ELOVL5: variants seen among roughly 807,000 people sequenced by gnomAD.
The protein encoded by ELOVL5 is very long chain fatty acid elongase 5.
Under a neutral mutation model 38.6 loss-of-function variants are expected in ELOVL5, and 8 were observed. The observed-to-expected ratio is 0.21, with a 90% CI of 0.12 to 0.37. The LOEUF is 0.37. Ranked by LOEUF, ELOVL5 falls within the 10% of genes least tolerant of loss-of-function variation. The pLI, the probability that ELOVL5 is intolerant of heterozygous loss-of-function variation, is 1.00. For missense variants in ELOVL5, 280 were observed against 367.8 expected, an observed-to-expected ratio of 0.76 and a Z score of 1.95; for synonymous variants, 127 against 133.7, an observed-to-expected ratio of 0.95 and a Z score of 0.34.
At chr6:53,270,838 C>T (rs1765892599) in intron 6 of ELOVL5, 111 bp from the exon 7 acceptor site, 2 of 1,248,162 alleles carry the variant, frequency 1.6e-6, no homozygotes, top group African/African-American at 3.0e-5. Context: ...ACACTTACTA[C>T]CCTTGCTGCA....
At chr6:53,296,169 C>T (rs1232120957) in intron 1 of ELOVL5, among the ~76,000 whole-genome samples, 1 of 151,860 alleles carries the variant, frequency 6.6e-6, no homozygotes, top group Non-Finnish European at 1.5e-5. Flanking sequence ...TATTATTTTA[C>T]AGTACTTCAT....
At chr6:53,346,556 T>G (rs991155870) in intron 1 of ELOVL5, among the ~76,000 whole-genome samples, 1 of 152,060 alleles carries the variant, frequency 6.6e-6, no homozygotes, top group Non-Finnish European at 1.5e-5. Flanking sequence ...ATGAGAGGAT[T>G]AGCCTTTTGA....
chr6:53,324,691 A>AAAAAAAC lies in ELOVL5; in HGVS notation c.-9+24125_-9+24126insGTTTTTT, dbSNP rs70980840. 1.7e-4 allele frequency among the ~76,000 whole-genome samples: 20 copies of AAAAAAAC among 118,048 alleles called. 2 individuals carry two copies. The highest frequency in any genetic ancestry group is 2.2e-4 in the African/African-American group (6 of 27,310). The allele number at this position is 118,048 out of a possible 152,430, so 77.4% of individuals were successfully genotyped here. On this transcript the variant is annotated intron_variant, in intron 1 of 7. Transcript: ENST00000304434. ...TCCTGTCAAAAAAAAAAAAAAAAAA[A>AAAAAAAC]GGAAAAGAAATAGAATCAGGAAGGA...
intron 1 of ELOVL5, among the ~76,000 whole-genome samples, chr6:53,301,853 T>C (rs1462817969): frequency 6.6e-6 from 1 of 152,194 alleles, no homozygotes; most frequent in African/African-American, 2.4e-5. Flanking sequence ...ATTATAATTG[T>C]GTCTCATTTT....
intron 1 of ELOVL5, among the ~76,000 whole-genome samples, chr6:53,304,267 T>C (rs1260347529): frequency 6.6e-6 from 1 of 152,192 alleles, no homozygotes; most frequent in Non-Finnish European, 1.5e-5. Flanking sequence ...TAGTTACAGA[T>C]GGCATTTCCT....
intron 3 of ELOVL5, chr6:53,290,644 T>C (rs747828299): frequency 6.6e-6 from 1 of 152,266 alleles, no homozygotes; most frequent in Non-Finnish European, 1.5e-5. Context: ...AGAATATCTG[T>C]ACCTTGGCTT....
chr6:53,346,202 G>A (rs1030438982), intron 1 of ELOVL5, among the ~76,000 whole-genome samples: 1 of 152,092 alleles, frequency 6.6e-6, no homozygotes, highest in Non-Finnish European at 1.5e-5. Context: ...GAGGATGATG[G>A]TTTCCAGCTT....
chr6:53,347,512 A>G, intron 1 of ELOVL5, among the ~76,000 whole-genome samples: 1 of 152,232 alleles, frequency 6.6e-6, no homozygotes, highest in East Asian at 1.9e-4. Context: ...GCAGACCAAC[A>G]GGTTATCTGC....
At chr6:53,336,250 G>A (rs1467872851) in intron 1 of ELOVL5, among the ~76,000 whole-genome samples, 1 of 152,170 alleles carries the variant, frequency 6.6e-6, no homozygotes, top group Admixed American at 6.5e-5. Flanking sequence ...CACTGAGTGG[G>A]TTTAAGTGAT....
intron 1 of ELOVL5, among the ~76,000 whole-genome samples, chr6:53,305,130 CG>C (rs1302405974): frequency 1.3e-5 from 2 of 148,202 alleles, no homozygotes; most frequent in African/African-American, 5.0e-5. Context: ...CCCTCCCAGA[CG>C]GGGCGGCTCG....
intron 1 of ELOVL5, among the ~76,000 whole-genome samples, chr6:53,311,922 G>C (rs1392816887): frequency 6.6e-6 from 1 of 151,936 alleles, no homozygotes; most frequent in African/African-American, 2.4e-5. Flanking sequence ...GAAAAGGAGA[G>C]GTACTTTAAA....
intron 1 of ELOVL5, among the ~76,000 whole-genome samples, chr6:53,317,839 A>G (rs1182586993): frequency 6.7e-6 from 1 of 150,336 alleles, no homozygotes; most frequent in Non-Finnish European, 1.5e-5. Context: ...AAAAATTAAA[A>G]AAAATAAAAT....
intron 1 of ELOVL5, among the ~76,000 whole-genome samples, chr6:53,347,208 A>T (rs1428847088): frequency 1.3e-5 from 2 of 151,860 alleles, no homozygotes; most frequent in Non-Finnish European, 1.5e-5. Context: ...TCAATTAGAA[A>T]TAGAAACGAA....
rs1396818805 is a variant in ELOVL5, at chr6:53,295,736, A to T, written c.-8-29T>A. 3 of 1,353,234 alleles carry T rather than the reference A, an allele frequency of 2.2e-6. No homozygotes were observed. In the East Asian group the frequency reaches 7.3e-5, roughly 33 times the overall value. 83.8% of individuals were successfully genotyped at this position (1,353,234 alleles called of 1,614,324 possible). ...TTAAGAAAAAAAAAGATACTGATTA[A>T]TCTCTACTCAAAATGTTTTTTATAC... On this transcript the variant is annotated intron_variant, in intron 1 of 7. Coordinates refer to ENST00000304434, the MANE Select transcript of ELOVL5 (RefSeq NM_021814.5).
intron 1 of ELOVL5, among the ~76,000 whole-genome samples, chr6:53,334,164 A>T (rs1768937205): frequency 6.6e-6 from 1 of 152,200 alleles, no homozygotes; most frequent in Admixed American, 6.5e-5. Flanking sequence ...TGACATTTTA[A>T]AAACAGAATT....
chr6:53,347,863 C>G (rs1280689636), intron 1 of ELOVL5, among the ~76,000 whole-genome samples: 1 of 152,230 alleles, frequency 6.6e-6, no homozygotes, highest in Non-Finnish European at 1.5e-5. Flanking sequence ...GGTTGCAAGA[C>G]GCAGTTCAGC....
intron 1 of ELOVL5, among the ~76,000 whole-genome samples, chr6:53,300,891 C>T (rs1475746953): frequency 6.6e-6 from 1 of 152,210 alleles, no homozygotes. Context: ...AACCCTCCTT[C>T]CTGCAGCCCT....
chr6:53,316,706 G>A (rs1480310577), intron 1 of ELOVL5, among the ~76,000 whole-genome samples: 3 of 150,544 alleles, frequency 2.0e-5, no homozygotes, highest in African/African-American at 7.3e-5. Flanking sequence ...CAAGGTGAGG[G>A]AGAGGGGGGA....
chr6:53,327,862 T>C (rs1768617750), intron 1 of ELOVL5, among the ~76,000 whole-genome samples: 1 of 152,168 alleles, frequency 6.6e-6, no homozygotes, highest in African/African-American at 2.4e-5. Context: ...GACTGGATGC[T>C]TTTTTTCTGC....
Sources: allele counts gnomAD v4.1 joint callset (sites outside exome capture counted in the v4.1 genomes callset), GRCh38; gene constraint gnomAD v4.1.1; transcripts MANE v1.5; gene names NCBI Gene and HGNC (gene_info 2026-07-23, HGNC 2026-07-21).